SYT17: variants seen among roughly 807,000 people sequenced by gnomAD.
SYT17 encodes synaptotagmin-17.
Under a neutral mutation model 46.7 loss-of-function variants are expected in SYT17, and 22 were observed. The observed-to-expected ratio is 0.47, with a 90% CI of 0.34 to 0.67. SYT17 has a LOEUF of 0.67. Among genes scored for constraint, SYT17 ranks in the 30% least tolerant of loss-of-function variants. The pLI is 0.01. For synonymous variants in SYT17, 251 were observed against 248.4 expected, an observed-to-expected ratio of 1.01 and a Z score of -0.10; for missense variants, 519 against 612.8, an observed-to-expected ratio of 0.85 and a Z score of 1.62.
intron 5 of SYT17, among the ~76,000 whole-genome samples, chr16:19,195,431 TG>T (rs1328101094): frequency 8.0e-6 from 1 of 125,764 alleles, no homozygotes; most frequent in African/African-American, 3.0e-5. Flanking sequence ...GATTGGGGAG[TG>T]GGGGCAGGCA....
chr16:19,226,798 T>G (rs2142887089), intron 7 of SYT17, among the ~76,000 whole-genome samples: 1 of 152,302 alleles, frequency 6.6e-6, no homozygotes, highest in South Asian at 2.1e-4. Flanking sequence ...ATAAGGGACC[T>G]CCTATTGTAA....
At chr16:19,240,763 A>G (rs1967042124) in intron 7 of SYT17, among the ~76,000 whole-genome samples, 1 of 152,122 alleles carries the variant, frequency 6.6e-6, no homozygotes, top group Non-Finnish European at 1.5e-5. Flanking sequence ...CAGGCTGTTC[A>G]TGCCGAGAGG....
intron 5 of SYT17, among the ~76,000 whole-genome samples, chr16:19,216,499 A>G (rs1292295419): frequency 6.6e-6 from 1 of 151,842 alleles, no homozygotes. Flanking sequence ...TGTCATCTAC[A>G]TGAGGTATTT....
At chr16:19,174,942 A>ACC (rs201512806) in intron 3 of SYT17, among the ~76,000 whole-genome samples, 2 of 150,972 alleles carry the variant, frequency 1.3e-5, no homozygotes, top group South Asian at 2.1e-4. Flanking sequence ...ACATAGTGAG[A>ACC]CCCCCCCCAT....
intron 5 of SYT17, among the ~76,000 whole-genome samples, chr16:19,191,933 C>A (rs529452237): frequency 1.4e-4 from 22 of 152,222 alleles, no homozygotes; most frequent in Admixed American, 9.8e-4. Context: ...TACAGGCGCC[C>A]GCCACCACAC....
In SYT17 at chr16:19,267,056, G is replaced by T; in HGVS notation, c.1405G>T (p.Ala469Ser). Residue 469 changes from alanine to serine, a missense_variant, in exon 8 of 8, where the codon GCC (alanine) becomes TCC (serine). Ala to Ser is a moderately conservative substitution (Grantham distance 99). Transcript: ENST00000355377. ...SRAECDRVSP[A>S]SLEVT ...AGCTGAGTGTGACCGCGTGTCTCCT[G>T]CCTCCCTGGAGGTGACCTGAGGGCT... is the stretch of plus-strand genomic sequence containing the variant. 1 of 1,605,910 alleles carries T rather than the reference G, an allele frequency of 6.2e-7. No individual in the cohort carries two copies.
intron 5 of SYT17, among the ~76,000 whole-genome samples, chr16:19,210,986 G>T (rs1965876931): frequency 6.6e-6 from 1 of 152,150 alleles, no homozygotes; most frequent in Non-Finnish European, 1.5e-5. Context: ...TTATTGATTA[G>T]AAATTAACTG....
chr16:19,264,224 T>C (rs936670165), intron 7 of SYT17, among the ~76,000 whole-genome samples: 7 of 152,214 alleles, frequency 4.6e-5, no homozygotes, highest in Non-Finnish European at 8.8e-5. Flanking sequence ...ACCCAGTTTA[T>C]GGCATTTTGT....
intron 7 of SYT17, among the ~76,000 whole-genome samples, chr16:19,233,965 TAG>T (rs1966795005): frequency 6.6e-6 from 1 of 152,162 alleles, no homozygotes; most frequent in South Asian, 2.1e-4. Context: ...CTCTGCCTAA[TAG>T]AGAGAAGGTT....
chr16:19,228,134 T>C (rs1966559228), intron 7 of SYT17, among the ~76,000 whole-genome samples: 1 of 152,144 alleles, frequency 6.6e-6, no homozygotes, highest in Admixed American at 6.5e-5. Flanking sequence ...ATTTTGCATA[T>C]AGTTGCAGAG....
chr16:19,217,266 T>C (rs1966131484), intron 5 of SYT17, among the ~76,000 whole-genome samples: 1 of 152,152 alleles, frequency 6.6e-6, no homozygotes. Flanking sequence ...AACCATCACC[T>C]CTATCTAATT....
Position 19,251,251 on chromosome 16 carries a change from T to C in SYT17, c.1229-15629T>C, listed in dbSNP as rs761427549. On this transcript the variant is annotated intron_variant, in intron 7 of 7. Transcript: ENST00000355377. The stretch of plus-strand genomic sequence containing the variant: ...AAGGTCATCAGGACCCGAATTCAAA[T>C]CCCGCTCTACCACTGGACCACAGGC... Among the ~76,000 whole-genome samples, 3 of 152,250 alleles carry C rather than the reference T, an allele frequency of 2.0e-5. No individual in the cohort carries two copies. The South Asian group carries it at 6.2e-4, about 32-fold the overall frequency.
chr16:19,180,248 C>A (rs965132143), intron 3 of SYT17, 143 bp from the exon 4 acceptor site: 67 of 814,974 alleles, frequency 8.2e-5, no homozygotes, highest in African/African-American at 8.5e-5. Context: ...TTTAAGGACA[C>A]CACACTGTCA....
At chr16:19,265,865 A>G (rs541050052) in intron 7 of SYT17, among the ~76,000 whole-genome samples, 1 of 152,380 alleles carries the variant, frequency 6.6e-6, no homozygotes, top group South Asian at 2.1e-4. Context: ...TCAAAGAGAC[A>G]TGCAGCACAA....
At chr16:19,250,373 G>GTGTGTGTC (rs1312789307) in intron 7 of SYT17, among the ~76,000 whole-genome samples, 4 of 149,330 alleles carry the variant, frequency 2.7e-5, no homozygotes, top group African/African-American at 7.5e-5. Context: ...GTGTGTGTGT[G>GTGTGTGTC]TGTGTGTGTG....
chr16:19,172,916 C>A, intron 2 of SYT17, 139 bp downstream of exon 2: 1 of 1,095,816 alleles, frequency 9.1e-7, no homozygotes, highest in Non-Finnish European at 1.3e-6. Context: ...AGTTTCCATT[C>A]CTTTCTACCG....
intron 7 of SYT17, among the ~76,000 whole-genome samples, chr16:19,236,969 T>C (rs1390296907): frequency 6.6e-6 from 1 of 152,152 alleles, no homozygotes; most frequent in Non-Finnish European, 1.5e-5. Context: ...TAAATCACAT[T>C]GCTAGGCTAG....
chr16:19,182,441 T>C (rs1237620811), intron 4 of SYT17, among the ~76,000 whole-genome samples: 1 of 152,186 alleles, frequency 6.6e-6, no homozygotes, highest in Non-Finnish European at 1.5e-5. Context: ...TTAAATGAAT[T>C]TTGCCCTTTT....
intron 7 of SYT17, among the ~76,000 whole-genome samples, chr16:19,228,216 C>G (rs1016455298): frequency 6.6e-6 from 1 of 152,136 alleles, no homozygotes; most frequent in South Asian, 2.1e-4. Context: ...CCACACCACA[C>G]CCCCTCTCCA....
Sources: allele counts gnomAD v4.1 joint callset (sites outside exome capture counted in the v4.1 genomes callset), GRCh38; gene constraint gnomAD v4.1.1; transcripts MANE v1.5; gene names NCBI Gene and HGNC (gene_info 2026-07-23, HGNC 2026-07-21).